The following ARHGAP18 variants were observed in gnomAD, a reference collection of about 807,000 sequenced individuals.
ARHGAP18 encodes the protein Rho GTPase activating protein 18.
Under a neutral mutation model 86.2 loss-of-function variants are expected in ARHGAP18, and 67 were observed. The observed-to-expected ratio is 0.78, with a 90% CI of 0.64 to 0.95. The LOEUF (loss-of-function observed/expected upper bound fraction) is 0.95. Among genes scored for constraint, ARHGAP18 ranks in the 40% least tolerant of loss-of-function variants. ARHGAP18 has a pLI of 0.00. For synonymous variants in ARHGAP18, 283 were observed against 280.4 expected, an observed-to-expected ratio of 1.01 and a Z score of -0.09; for missense variants, 691 against 780.4, an observed-to-expected ratio of 0.89 and a Z score of 1.37.
chr6:129,588,807 C>T (rs777108838), intron 12 of ARHGAP18, among the ~76,000 whole-genome samples: 2 of 152,250 alleles, frequency 1.3e-5, no homozygotes, highest in East Asian at 3.8e-4. Context: ...CATTTCTATA[C>T]ATCCTCTAAA....
intron 12 of ARHGAP18, among the ~76,000 whole-genome samples, chr6:129,595,537 C>T (rs1788600910): frequency 6.6e-6 from 1 of 152,146 alleles, no homozygotes; most frequent in Admixed American, 6.6e-5. Context: ...AGAACTCTAC[C>T]AATTTATATA....
At chr6:129,668,362 TCACACACACACACA>T (rs35153109) in intron 1 of ARHGAP18, among the ~76,000 whole-genome samples, 2 of 137,848 alleles carry the variant, frequency 1.5e-5, no homozygotes, top group African/African-American at 2.7e-5. Flanking sequence ...ACCCAAATAA[TCACACACACACACA>T]CACACACACA....
At chr6:129,598,005 A>G (rs769425981) in intron 12 of ARHGAP18, among the ~76,000 whole-genome samples, 1 of 152,182 alleles carries the variant, frequency 6.6e-6, no homozygotes, top group Non-Finnish European at 1.5e-5. Flanking sequence ...TTCCTTAAGT[A>G]GATCCTGAGC....
At chr6:129,602,683 A>G (rs1309713321) in intron 10 of ARHGAP18, among the ~76,000 whole-genome samples, 3 of 152,182 alleles carry the variant, frequency 2.0e-5, no homozygotes, top group Admixed American at 1.3e-4. Context: ...ATATAAAACA[A>G]CATGTTCTCA....
intron 1 of ARHGAP18, among the ~76,000 whole-genome samples, chr6:129,642,423 T>C (rs1159756633): frequency 1.3e-5 from 2 of 152,132 alleles, no homozygotes; most frequent in Non-Finnish European, 2.9e-5. Context: ...GAGCTACTAC[T>C]ACAGGTATAT....
intron 1 of ARHGAP18, among the ~76,000 whole-genome samples, chr6:129,668,271 TGAA>T (rs1393684117): frequency 6.6e-6 from 1 of 151,832 alleles, no homozygotes; most frequent in African/African-American, 2.4e-5. Flanking sequence ...CCTTTTTCAT[TGAA>T]GAAGGGTATC....
intron 1 of ARHGAP18, among the ~76,000 whole-genome samples, chr6:129,677,429 C>T (rs1315982814): frequency 6.6e-6 from 1 of 152,094 alleles, no homozygotes; most frequent in Non-Finnish European, 1.5e-5. Flanking sequence ...GACTAATATA[C>T]CTCCATCTAC....
intron 1 of ARHGAP18, among the ~76,000 whole-genome samples, chr6:129,656,019 AT>A (rs1434928859): frequency 2.6e-5 from 4 of 152,258 alleles, no homozygotes; most frequent in Admixed American, 2.6e-4. Flanking sequence ...CAATGTTTTG[AT>A]GGAGTGATAC....
chr6:129,641,306 T>C (rs554114235), intron 2 of ARHGAP18, among the ~76,000 whole-genome samples: 4 of 152,276 alleles, frequency 2.6e-5, no homozygotes, highest in African/African-American at 9.6e-5. Flanking sequence ...CATGTAAAAA[T>C]AGAAGAGCCT....
chr6:129,612,308 G>T (rs1306158614), intron 7 of ARHGAP18, among the ~76,000 whole-genome samples: 1 of 152,182 alleles, frequency 6.6e-6, no homozygotes, highest in Non-Finnish European at 1.5e-5. Context: ...TCTTCTTGGA[G>T]TAGGCATTCC....
chr6:129,663,864 C>T (rs1162932527), intron 1 of ARHGAP18, among the ~76,000 whole-genome samples: 1 of 152,246 alleles, frequency 6.6e-6, no homozygotes, highest in Non-Finnish European at 1.5e-5. Context: ...AAGATTTTAG[C>T]AATCGCAAAC....
intron 7 of ARHGAP18, among the ~76,000 whole-genome samples, chr6:129,615,218 T>C (rs578235168): frequency 1.3e-5 from 2 of 152,338 alleles, no homozygotes; most frequent in African/African-American, 4.8e-5. Flanking sequence ...GTAGCCTGTA[T>C]TTGTCAGCCT....
At chr6:129,624,660 G>T (rs1023315922) in intron 5 of ARHGAP18, among the ~76,000 whole-genome samples, 1 of 150,220 alleles carries the variant, frequency 6.7e-6, no homozygotes, top group Non-Finnish European at 1.5e-5. Flanking sequence ...AAATATACAA[G>T]AAGGCCAGGC....
intron 1 of ARHGAP18, among the ~76,000 whole-genome samples, chr6:129,684,918 A>G (rs1380550906): frequency 6.6e-6 from 1 of 152,234 alleles, no homozygotes. Context: ...TATTAAATAC[A>G]GTGTTTCATG....
intron 1 of ARHGAP18, among the ~76,000 whole-genome samples, chr6:129,648,994 C>T (rs1480914523): frequency 1.3e-5 from 2 of 152,128 alleles, no homozygotes; most frequent in Non-Finnish European, 1.5e-5. Flanking sequence ...GCTCTGACAT[C>T]CAGGAAGAAA....
chr6:129,689,762 T>C (rs1025785731), intron 1 of ARHGAP18, among the ~76,000 whole-genome samples: 7 of 152,202 alleles, frequency 4.6e-5, no homozygotes, highest in African/African-American at 1.7e-4. Flanking sequence ...TACATATATA[T>C]TGACACCTTT....
intron 3 of ARHGAP18, among the ~76,000 whole-genome samples, chr6:129,636,254 C>A (rs1235924016): frequency 6.6e-6 from 1 of 152,186 alleles, no homozygotes; most frequent in Non-Finnish European, 1.5e-5. Flanking sequence ...GTAAGATGGA[C>A]TGGACTTGAT....
At chr6:129,690,275 A>G (rs114618426) in intron 1 of ARHGAP18, among the ~76,000 whole-genome samples, 508 of 152,276 alleles carry the variant, frequency 3.3e-3, no homozygotes, top group African/African-American at 0.012. Flanking sequence ...AATGAATAAA[A>G]CCACTGCTGA....
intron 1 of ARHGAP18, among the ~76,000 whole-genome samples, chr6:129,683,826 G>A (rs1020150236): frequency 2.6e-5 from 4 of 151,152 alleles, no homozygotes; most frequent in African/African-American, 7.4e-5. Flanking sequence ...ATAAAATGAT[G>A]TGGGCATACC....
Sources: allele counts gnomAD v4.1 joint callset (sites outside exome capture counted in the v4.1 genomes callset), GRCh38; gene constraint gnomAD v4.1.1; transcripts MANE v1.5; gene names NCBI Gene and HGNC (gene_info 2026-07-23, HGNC 2026-07-21).